The following IPO8 variants were observed in gnomAD, a reference collection of about 807,000 sequenced individuals.
IPO8 encodes importin 8.
In IPO8, 65 loss-of-function variants were observed where a neutral mutation model predicts 141.2. That is an observed-to-expected ratio of 0.46 (90% CI 0.38 to 0.57). IPO8 has a LOEUF of 0.57. Ranked by LOEUF, IPO8 falls within the 20% of genes least tolerant of loss-of-function variation. The pLI, the probability that IPO8 is intolerant of heterozygous loss-of-function variation, is 0.00. For missense variants in IPO8, 980 were observed against 1,246.8 expected, an observed-to-expected ratio of 0.79 and a Z score of 3.22; for synonymous variants, 411 against 420.3, an observed-to-expected ratio of 0.98 and a Z score of 0.27.
At position 30,695,841 on chromosome 12, in the gene IPO8, C is replaced by G. The variant is rs1346676592; in HGVS notation, c.-194G>C. The G allele has an allele frequency of 2.2e-4, 116 of 535,202 alleles. 1 individual carries two copies. The highest frequency in any genetic ancestry group is 1.8e-3 in the East Asian group (54 of 30,720). 33.2% of individuals were successfully genotyped at this position (535,202 alleles called of 1,614,324 possible). On this transcript the variant is annotated 5_prime_UTR_variant, in exon 1 of 25. Coordinates refer to ENST00000256079, the MANE Select transcript of IPO8 (RefSeq NM_006390.4). This position sits in a 1 kb window ranked among gnomAD's most constrained non-coding sequence, Gnocchi z 4.2. Reference sequence around the variant, plus strand: ...CCCCCTGTCCTCCCTTTTTCCCCCCCACAACTCGCTCTCCATTCACCGTTT... The same window carrying G: ...CCCCCTGTCCTCCCTTTTTCCCCCCGACAACTCGCTCTCCATTCACCGTTT...
At chr12:30,656,883 C>T (rs577069770) in intron 16 of IPO8, 133 bp from the exon 17 acceptor site, 56 of 439,130 alleles carry the variant, frequency 1.3e-4, no homozygotes, top group African/African-American at 1.1e-3. Context: ...ATGTGAAAAA[C>T]TAAACATGCA....
chr12:30,661,220 A>T lies in IPO8; in HGVS notation c.1802T>A (p.Val601Asp), dbSNP rs757169411. ...KVLQSDEYEE[V>D]EDKTVMAMGI... ...CATAGCCATTACTGTTTTGTCTTCA[A>T]CTTCTTCATATTCATCACTTTGAAG... The change falls in exon 16 of 25, where the codon GTT (valine) becomes GAT (aspartate). Residue 601 changes from valine (V) to aspartate (D), a missense_variant. Physicochemically the swap from Val to Asp is radical, Grantham distance 152. Around this residue, in one of 3 missense-constraint regions of IPO8, gnomAD observed 924 missense variants for 1,153.9 expected, o/e 0.80. Coordinates refer to ENST00000256079, the MANE Select transcript of IPO8 (RefSeq NM_006390.4). 6.3e-7 allele frequency: 1 copy of T among 1,599,080 alleles called. No individual in the cohort carries two copies.
At chr12:30,693,356 T>C (rs1453870309) in intron 1 of IPO8, among the ~76,000 whole-genome samples, 2 of 152,080 alleles carry the variant, frequency 1.3e-5, no homozygotes, top group African/African-American at 2.4e-5. Context: ...AACAGAAAAA[T>C]GCTGGCCTGA....
At position 30,674,699 on chromosome 12, in the gene IPO8, T is replaced by C; in HGVS notation, c.784A>G (p.Lys262Glu). The C allele has an allele frequency of 6.2e-7, 1 of 1,613,872 alleles. No individual in the cohort carries two copies. Among genetic ancestry groups the C allele is most frequent in the African/African-American group, 1.3e-5 (1 of 75,024 alleles). The change falls in exon 7 of 25, where the codon AAG becomes GAG. Residue 262 changes from lysine to glutamate, a missense_variant. Physicochemically the swap from Lys to Glu is moderately conservative, Grantham distance 56 (BLOSUM62 1). Transcript: ENST00000256079. ...DRPELVWWKC[K>E]KWALHIVARL... ...GCTACAATATGCAGTGCCCACTTCT[T>C]ACACTTCCACCATACCAGTTCTGGT...
In IPO8 at chr12:30,695,028, C is replaced by T. The variant is rs1591850136; in HGVS notation, c.84+536G>A. The T allele has an allele frequency of 8.8e-6, 4 of 456,254 alleles. No individual in the cohort carries two copies. The highest frequency in any genetic ancestry group is 6.2e-5 in the South Asian group (4 of 64,560). The allele number at this position is 456,254 out of a possible 1,614,324, so 28.3% of individuals were successfully genotyped here. A position where few individuals can be genotyped will look rare whatever the true frequency, so the allele number is the denominator to read the frequency against. ...ATCACCATGAAAACTGCCTATTCTT[C>T]CCAGAGCACTCTCCCAACAGCACTG... On this transcript the variant is annotated intron_variant, in intron 1 of 24. Coordinates refer to ENST00000256079, the MANE Select transcript of IPO8 (RefSeq NM_006390.4). The surrounding 1 kb of genome is among the most constrained non-coding windows in gnomAD (Gnocchi z 4.2).
chr12:30,691,738 T>C (rs562360292), intron 1 of IPO8, among the ~76,000 whole-genome samples: 1 of 152,360 alleles, frequency 6.6e-6, no homozygotes, highest in African/African-American at 2.4e-5. Context: ...GGGCATATTA[T>C]TCATTTTTTT....
chr12:30,662,387 C>A lies in IPO8; in HGVS notation c.1695G>T (p.Lys565Asn). 1 of 1,613,706 alleles carries A rather than the reference C, an allele frequency of 6.2e-7. No individual in the cohort carries two copies. The part of the protein sequence containing the change: ...ENDDVTNVIQ[K>N]MICEYSQEVA... The stretch of plus-strand genomic sequence containing the variant: ...CCTCTTGACTGTATTCACATATCAT[C>A]TTCTGGATGACATTAGTAACATCAT... Residue 565 changes from lysine to asparagine, a missense_variant, in exon 15 of 25, where the codon AAG becomes AAT. Transcript: ENST00000256079.
intron 3 of IPO8, among the ~76,000 whole-genome samples, chr12:30,682,229 C>A (rs1459795593): frequency 1.3e-5 from 2 of 152,028 alleles, no homozygotes; most frequent in Non-Finnish European, 2.9e-5. Context: ...AAAGATGGTA[C>A]AAGTAAGTAC....
At chr12:30,636,579 C>T (rs573741400) in intron 22 of IPO8, among the ~76,000 whole-genome samples, 2 of 152,230 alleles carry the variant, frequency 1.3e-5, no homozygotes, top group African/African-American at 2.4e-5. Flanking sequence ...CTCTACTAAT[C>T]TGTGGTACTA....
At chr12:30,677,217 G>C in intron 5 of IPO8, 1 of 554,022 alleles carries the variant, frequency 1.8e-6, no homozygotes, top group Non-Finnish European at 3.2e-6. Flanking sequence ...AAATGTTTCG[G>C]TCAGTGACAG....
intron 1 of IPO8, 45 bp from the exon 2 acceptor site, chr12:30,690,622 G>C: frequency 3.8e-6 from 4 of 1,040,354 alleles, no homozygotes; most frequent in African/African-American, 1.7e-5. Context: ...CAATATAAGT[G>C]AGTAGCTTAT....
chr12:30,690,622 G>A (rs1482419435), intron 1 of IPO8, 45 bp from the exon 2 acceptor site: 2 of 1,040,420 alleles, frequency 1.9e-6, no homozygotes, highest in Non-Finnish European at 2.9e-6. Flanking sequence ...CAATATAAGT[G>A]AGTAGCTTAT....
intron 1 of IPO8, 33 bp from the exon 2 acceptor site, chr12:30,690,610 G>A: frequency 8.4e-7 from 1 of 1,195,444 alleles, no homozygotes; most frequent in Non-Finnish European, 1.2e-6. Context: ...TATAAAATAG[G>A]GCAATATAAG....
intron 20 of IPO8, among the ~76,000 whole-genome samples, chr12:30,645,198 C>G (rs2052628127): frequency 6.6e-6 from 1 of 151,398 alleles, no homozygotes; most frequent in African/African-American, 2.4e-5. Flanking sequence ...CATGGCGAAA[C>G]CCCATCTCTA....
Position 30,639,637 on chromosome 12 carries a change from G to C in IPO8, c.2367C>G (p.Ala789=), listed in dbSNP as rs201728857. The change falls in exon 21 of 25, where the codon GCC becomes GCG. Residue 789 remains alanine, a synonymous_variant. Transcript: ENST00000256079. The part of the protein sequence containing the change: ...RTMCLQVAIA[A]LYYNPDLLLH... ...GCAGCAAATCAGGGTTGTAGTACAA[G>C]GCAGCAATTGCAACCTGAAGACACA... 20 of 1,614,028 alleles carry C rather than the reference G, an allele frequency of 1.2e-5. No individual in the cohort carries two copies. Among genetic ancestry groups the C allele is most frequent in the Middle Eastern group, 3.3e-4 (2 of 6,062 alleles).
chr12:30,690,131 G>A (rs1056886081), intron 2 of IPO8, among the ~76,000 whole-genome samples: 95 of 152,310 alleles, frequency 6.2e-4, no homozygotes, highest in African/African-American at 2.1e-3. Context: ...AACAGAGCTC[G>A]AATTCACATA....
chr12:30,654,132 G>A (rs1306967654), intron 17 of IPO8, among the ~76,000 whole-genome samples: 1 of 151,784 alleles, frequency 6.6e-6, no homozygotes, highest in African/African-American at 2.4e-5. Flanking sequence ...AATGGCACTG[G>A]GAAAACTAAA....
intron 6 of IPO8, among the ~76,000 whole-genome samples, chr12:30,675,869 GAAAAA>G (rs2053114211): frequency 6.7e-6 from 1 of 149,030 alleles, no homozygotes; most frequent in Non-Finnish European, 1.5e-5. Flanking sequence ...GAAAAGAAAA[GAAAAA>G]AAGACAGTAT....
chr12:30,692,664 G>A (rs556124853), intron 1 of IPO8, among the ~76,000 whole-genome samples: 11 of 152,220 alleles, frequency 7.2e-5, no homozygotes, highest in South Asian at 6.2e-4. Flanking sequence ...TCACTGCTCC[G>A]CTGCATTAAC....
Sources: allele counts gnomAD v4.1 joint callset (sites outside exome capture counted in the v4.1 genomes callset), GRCh38; gene constraint gnomAD v4.1.1; regional missense constraint gnomAD v4.1.1; non-coding constraint Gnocchi (gnomAD v3.1); transcripts MANE v1.5; gene names NCBI Gene and HGNC (gene_info 2026-07-23, HGNC 2026-07-21).